KHDRBS2: variants seen among roughly 807,000 people sequenced by gnomAD.
The protein encoded by KHDRBS2 is KH domain-containing, RNA-binding, signal transduction-associated protein 2.
KHDRBS2 carries 26 observed loss-of-function variants against 44.3 expected under a neutral mutation model. The observed-to-expected ratio is 0.59, with a 90% CI of 0.43 to 0.81. KHDRBS2 has a LOEUF of 0.81. Ranked by LOEUF, KHDRBS2 falls within the 40% of genes least tolerant of loss-of-function variation. The pLI, the probability that KHDRBS2 is intolerant of heterozygous loss-of-function variation, is 0.00. For synonymous variants in KHDRBS2, 194 were observed against 151.1 expected (o/e 1.28, Z -2.08); for missense variants, 476 against 433.1 (o/e 1.10, Z -0.88).
chr6:61,577,287 C>A, the KHDRBS2 span, among the ~76,000 whole-genome samples: 3 of 152,216 alleles, frequency 2.0e-5, no homozygotes, highest in South Asian at 2.1e-4. Flanking sequence ...CTAGCCCCAG[C>A]TACCCCATTC....
At chr6:61,782,080 A>G (rs1179755476) in intron 6 of KHDRBS2, among the ~76,000 whole-genome samples, 1 of 152,160 alleles carries the variant, frequency 6.6e-6, no homozygotes, top group Non-Finnish European at 1.5e-5. Flanking sequence ...TCTGTCATAT[A>G]TTAGCAAATC....
chr6:61,633,952 G>T, the KHDRBS2 span, among the ~76,000 whole-genome samples: 2 of 151,910 alleles, frequency 1.3e-5, no homozygotes, highest in Admixed American at 1.3e-4. Flanking sequence ...AATTAATACT[G>T]TAATTAATAT....
At chr6:61,733,351 G>T (rs1239137357) in intron 6 of KHDRBS2, among the ~76,000 whole-genome samples, 1 of 152,142 alleles carries the variant, frequency 6.6e-6, no homozygotes, top group African/African-American at 2.4e-5. Context: ...AGCACTTTGC[G>T]TGGCCAAGGT....
chr6:61,590,555 A>G, the KHDRBS2 span, among the ~76,000 whole-genome samples: 1 of 152,228 alleles, frequency 6.6e-6, no homozygotes, highest in African/African-American at 2.4e-5. Flanking sequence ...CTAAGAAGAT[A>G]TAAATTAAAT....
At chr6:62,093,856 TTGTGTGTGTGTGTG>T (rs61194705) in intron 2 of KHDRBS2, among the ~76,000 whole-genome samples, 6 of 143,306 alleles carry the variant, frequency 4.2e-5, no homozygotes, top group South Asian at 4.5e-4. Context: ...TTCCATTGTT[TTGTGTGTGTGTGTG>T]TGTGTGTGTG....
At chr6:61,701,540 C>T (rs538339590) in intron 7 of KHDRBS2, among the ~76,000 whole-genome samples, 43 of 151,956 alleles carry the variant, frequency 2.8e-4, no homozygotes, top group Non-Finnish European at 5.2e-4. Context: ...TGTAAAGTTC[C>T]CAAGGAGGGC....
chr6:61,743,614 T>C (rs930073169), intron 6 of KHDRBS2, among the ~76,000 whole-genome samples: 2 of 152,072 alleles, frequency 1.3e-5, no homozygotes, highest in African/African-American at 2.4e-5. Flanking sequence ...CAGTGTTTTA[T>C]CCTTATTTTA....
At chr6:61,967,911 T>C (rs1770430131) in intron 4 of KHDRBS2, among the ~76,000 whole-genome samples, 1 of 141,444 alleles carries the variant, frequency 7.1e-6, no homozygotes, top group Non-Finnish European at 1.5e-5. Flanking sequence ...CACATATATA[T>C]ATACACATGC....
At chr6:61,600,245 C>G in the KHDRBS2 span, among the ~76,000 whole-genome samples, 8 of 152,148 alleles carry the variant, frequency 5.3e-5, no homozygotes, top group African/African-American at 1.9e-4. Flanking sequence ...ATGTATACAT[C>G]CAGATAGCCT....
At chr6:61,554,868 G>A in the KHDRBS2 span, among the ~76,000 whole-genome samples, 1 of 152,184 alleles carries the variant, frequency 6.6e-6, no homozygotes, top group African/African-American at 2.4e-5. Flanking sequence ...GATTTCTGCT[G>A]TAAGGCCCAC....
At chr6:61,940,926 C>T (rs1812009131) in intron 4 of KHDRBS2, among the ~76,000 whole-genome samples, 1 of 152,170 alleles carries the variant, frequency 6.6e-6, no homozygotes, top group Non-Finnish European at 1.5e-5. Flanking sequence ...CACCTGCTGG[C>T]CTAGGATGTT....
At chr6:61,957,410 T>C (rs1297011852) in intron 4 of KHDRBS2, among the ~76,000 whole-genome samples, 1 of 152,122 alleles carries the variant, frequency 6.6e-6, no homozygotes, top group Non-Finnish European at 1.5e-5. Flanking sequence ...CTTTCAAAAG[T>C]AAATGGGAGA....
intron 3 of KHDRBS2, among the ~76,000 whole-genome samples, chr6:62,043,503 C>A (rs1413546195): frequency 6.6e-6 from 1 of 152,042 alleles, no homozygotes; most frequent in Non-Finnish European, 1.5e-5. Context: ...AGCTTCTGTG[C>A]AAGCATTCCT....
chr6:61,923,577 C>CATA (rs1297833789), intron 4 of KHDRBS2, among the ~76,000 whole-genome samples: 2 of 151,986 alleles, frequency 1.3e-5, no homozygotes, highest in African/African-American at 2.4e-5. Context: ...TGAAAAACCA[C>CATA]ATAATAATCT....
intron 3 of KHDRBS2, among the ~76,000 whole-genome samples, chr6:62,019,497 T>G (rs1404167590): frequency 6.6e-6 from 1 of 152,090 alleles, no homozygotes; most frequent in East Asian, 1.9e-4. Flanking sequence ...TCTTTAATAT[T>G]CTGGTATATC....
At chr6:61,793,607 A>C (rs1441810787) in intron 6 of KHDRBS2, among the ~76,000 whole-genome samples, 1 of 152,058 alleles carries the variant, frequency 6.6e-6, no homozygotes, top group Admixed American at 6.6e-5. Flanking sequence ...AAAATTTTTA[A>C]TATTAAGTAA....
chr6:61,753,597 T>C (rs1490502252), intron 6 of KHDRBS2, among the ~76,000 whole-genome samples: 1 of 152,154 alleles, frequency 6.6e-6, no homozygotes, highest in Non-Finnish European at 1.5e-5. Flanking sequence ...GAATTTTTAT[T>C]TTCCTCCTTG....
intron 2 of KHDRBS2, among the ~76,000 whole-genome samples, chr6:62,163,911 C>T (rs116541015): frequency 7.2e-4 from 110 of 151,914 alleles, no homozygotes; most frequent in African/African-American, 2.4e-3. Flanking sequence ...GTGTGAGGTC[C>T]CAGGTTTAAG....
intron 1 of KHDRBS2, among the ~76,000 whole-genome samples, chr6:62,262,142 T>C (rs1838449903): frequency 6.6e-6 from 1 of 151,762 alleles, no homozygotes; most frequent in Non-Finnish European, 1.5e-5. Context: ...TCACATTCTG[T>C]ATCTTCTCTC....
Sources: gnomAD v4.1 joint callset for allele counts (sites outside exome capture counted in the v4.1 genomes callset) on GRCh38, gnomAD v4.1.1 for gene constraint, MANE v1.5 for transcripts, NCBI Gene and HGNC (gene_info 2026-07-23, HGNC 2026-07-21) for gene names.